The following CFAP299 variants were observed in gnomAD, a reference collection of about 807,000 sequenced individuals.
CFAP299 encodes the protein cilia and flagella associated protein 299.
A neutral mutation model predicts 27.0 loss-of-function variants in CFAP299; 21 were observed. The ratio of observed to expected loss-of-function variants is 0.78; its 90% CI spans 0.55 to 1.12. The LOEUF (loss-of-function observed/expected upper bound fraction) is 1.12. Among genes scored for constraint, CFAP299 ranks in the 50% most tolerant of loss-of-function variants. CFAP299 has a pLI of 0.00. For missense variants in CFAP299, 310 were observed against 276.6 expected, an observed-to-expected ratio of 1.12 and a Z score of -0.86; for synonymous variants, 104 against 98.1, an observed-to-expected ratio of 1.06 and a Z score of -0.36.
At chr4:80,342,367 TCA>T (rs1311729435) in intron 1 of CFAP299, among the ~76,000 whole-genome samples, 1 of 152,002 alleles carries the variant, frequency 6.6e-6, no homozygotes, top group Non-Finnish European at 1.5e-5. Context: ...CACATAATCC[TCA>T]GATTCTCCAA....
intron 2 of CFAP299, among the ~76,000 whole-genome samples, chr4:80,384,293 A>G (rs1341621077): frequency 3.3e-5 from 5 of 152,154 alleles, no homozygotes; most frequent in African/African-American, 9.7e-5. Context: ...AGGGACATAT[A>G]TTTTTATTTT....
At chr4:80,821,307 G>T (rs994266504) in intron 3 of CFAP299, among the ~76,000 whole-genome samples, 1 of 152,102 alleles carries the variant, frequency 6.6e-6, no homozygotes, top group South Asian at 2.1e-4. Context: ...AAAACGTTAA[G>T]TTGAAGAGAA....
intron 3 of CFAP299, among the ~76,000 whole-genome samples, chr4:80,676,080 T>C (rs1046843032): frequency 1.3e-5 from 2 of 152,198 alleles, no homozygotes; most frequent in Non-Finnish European, 2.9e-5. Flanking sequence ...AGATGAACCA[T>C]ACCTCAGTTG....
intron 4 of CFAP299, chr4:80,873,072 A>G (rs182209876): frequency 1.1e-6 from 1 of 888,962 alleles, no homozygotes; most frequent in East Asian, 1.2e-4. Context: ...ACTGTCTTAT[A>G]GGATATTATA....
rs545650207 is a variant in CFAP299 at position 80,657,500 on chromosome 4, C to CT, written c.333+74325dup. On this transcript the variant is annotated intron_variant, in intron 3 of 5. Transcript: ENST00000358105. ...TAAATAGGGAATCCTTTCCCCATTG[C>CT]TTTTTTTTGTCAGGTTTGTCAAAGA... Among the ~76,000 whole-genome samples, 785 of 151,762 alleles carry CT rather than the reference C, an allele frequency of 5.2e-3. 5 individuals are homozygous for CT. The highest frequency in any genetic ancestry group is 0.02 in the Middle Eastern group (6 of 294).
In CFAP299 at chr4:80,796,808, T is replaced by G. The variant is rs1727890904; in HGVS notation, c.334-73185T>G. On this transcript the variant is annotated intron_variant, in intron 3 of 5. Coordinates refer to ENST00000358105, the MANE Select transcript of CFAP299 (RefSeq NM_152770.3). Reference sequence around the variant, plus strand: ...GGATGTGATATTGTTTTTGATTTACTATTTTTCTAGCTAAAATTAACTCTA... The same window carrying G: ...GGATGTGATATTGTTTTTGATTTACGATTTTTCTAGCTAAAATTAACTCTA... Among the ~76,000 whole-genome samples, 3 of 152,316 alleles carry G rather than the reference T, an allele frequency of 2.0e-5. No individual in the cohort carries two copies. In the South Asian group the frequency reaches 6.2e-4, roughly 32 times the overall value.
At position 80,386,645 on chromosome 4, in the gene CFAP299, G is replaced by A. The variant is rs536280178; in HGVS notation, c.242+23761G>A. 5.0e-6 allele frequency: 8 copies of A among 1,593,828 alleles called. No homozygotes were observed. In the Admixed American group the frequency reaches 6.7e-5, roughly 13 times the overall value. The stretch of plus-strand genomic sequence containing the variant: ...AGCATAGCGGAACTTGTAGTAGCCC[G>A]TGTGGGCGCGCAGGTGCTCGGCGAG... On this transcript the variant is annotated intron_variant, in intron 2 of 5. Coordinates refer to ENST00000358105, the MANE Select transcript of CFAP299 (RefSeq NM_152770.3).
intron 2 of CFAP299, among the ~76,000 whole-genome samples, chr4:80,397,589 C>T (rs2110044680): frequency 6.6e-6 from 1 of 152,006 alleles, no homozygotes; most frequent in Middle Eastern, 3.4e-3. Context: ...TGTCTTTGTT[C>T]TCATTATCTC....
At chr4:80,892,854 T>C (rs1734410196) in intron 4 of CFAP299, among the ~76,000 whole-genome samples, 1 of 152,032 alleles carries the variant, frequency 6.6e-6, no homozygotes, top group Admixed American at 6.6e-5. Flanking sequence ...TTCTACTCAA[T>C]ATAGTACTGA....
intron 2 of CFAP299, among the ~76,000 whole-genome samples, chr4:80,517,790 A>C (rs1732658232): frequency 6.6e-6 from 1 of 152,174 alleles, no homozygotes; most frequent in Non-Finnish European, 1.5e-5. Context: ...CATTCAGTTT[A>C]AATCAGTGAG....
At chr4:80,630,971 G>A (rs1437832010) in intron 3 of CFAP299, among the ~76,000 whole-genome samples, 3 of 151,988 alleles carry the variant, frequency 2.0e-5, no homozygotes, top group Non-Finnish European at 2.9e-5. Flanking sequence ...TATTTAGACT[G>A]TTAAAATATT....
chr4:80,430,208 G>A (rs1727741820), intron 2 of CFAP299, among the ~76,000 whole-genome samples: 1 of 152,026 alleles, frequency 6.6e-6, no homozygotes, highest in African/African-American at 2.4e-5. Context: ...ATTTATTAAT[G>A]ACAAACACAG....
intron 3 of CFAP299, among the ~76,000 whole-genome samples, chr4:80,845,925 A>T (rs1578177329): frequency 6.6e-6 from 1 of 152,160 alleles, no homozygotes; most frequent in Non-Finnish European, 1.5e-5. Flanking sequence ...CAAATGACTC[A>T]TGCTTATTTT....
rs745379046 is a variant in CFAP299 at position 80,751,231 on chromosome 4, GT to G, written c.334-118760del. Among the ~76,000 whole-genome samples, 4 of 152,120 alleles carry G rather than the reference GT, an allele frequency of 2.6e-5. No individual in the cohort carries two copies. In the East Asian group the frequency reaches 7.7e-4, roughly 29 times the overall value. ...CCTCTCTCCCAGGGCCTACTGACCA[GT>G]TGCCAGCCTGAACACACCTGTAGGA... On this transcript the variant is annotated intron_variant, in intron 3 of 5. Transcript: ENST00000358105.
At chr4:80,851,331 G>A (rs2110148231) in intron 3 of CFAP299, among the ~76,000 whole-genome samples, 1 of 152,220 alleles carries the variant, frequency 6.6e-6, no homozygotes, top group East Asian at 1.9e-4. Context: ...GCACTGATCA[G>A]TTCTTTGTAA....
chr4:80,873,073 G>A, intron 4 of CFAP299: 3 of 887,884 alleles, frequency 3.4e-6, no homozygotes, highest in Non-Finnish European at 4.0e-6. Context: ...CTGTCTTATA[G>A]GATATTATAG....
intron 3 of CFAP299, among the ~76,000 whole-genome samples, chr4:80,647,538 A>C (rs1204435651): frequency 1.3e-5 from 2 of 151,956 alleles, no homozygotes; most frequent in African/African-American, 4.8e-5. Context: ...GAAATGACCC[A>C]TTTTCTCTGA....
intron 5 of CFAP299, among the ~76,000 whole-genome samples, chr4:80,960,209 C>CA (rs1280438752): frequency 6.6e-6 from 1 of 151,618 alleles, no homozygotes; most frequent in Non-Finnish European, 1.5e-5. Context: ...TAGCACATCT[C>CA]ATAGCTTCTT....
At chr4:80,729,448 C>G (rs906715279) in intron 3 of CFAP299, among the ~76,000 whole-genome samples, 1 of 152,050 alleles carries the variant, frequency 6.6e-6, no homozygotes, top group African/African-American at 2.4e-5. Flanking sequence ...GTATGTCACT[C>G]TGGAGATTGT....
Sources: gnomAD v4.1 joint callset for allele counts (sites outside exome capture counted in the v4.1 genomes callset) on GRCh38, gnomAD v4.1.1 for gene constraint, MANE v1.5 for transcripts, NCBI Gene and HGNC (gene_info 2026-07-23, HGNC 2026-07-21) for gene names.